The following TBC1D3B variants were observed in gnomAD, a reference collection of about 807,000 sequenced individuals.
TBC1D3B encodes Rab GTPase-activating protein PRC17 duplicate.
In TBC1D3B, 2 loss-of-function variants were observed where a neutral mutation model predicts 27.1. The observed-to-expected ratio is 0.07, with a 90% CI of 0.03 to 0.23. The LOEUF (loss-of-function observed/expected upper bound fraction) is 0.23, where lower values mean the gene tolerates loss of function less well. Among genes scored for constraint, TBC1D3B ranks in the 10% least tolerant of loss-of-function variants. The pLI is 1.00. For missense variants in TBC1D3B, 17 were observed against 401.3 expected (o/e 0.04, Z 8.18); for synonymous variants, 3 against 150.1 (o/e 0.02, Z 7.16).
intron 9 of TBC1D3B, among the ~76,000 whole-genome samples, chr17:36,169,437 C>A (rs1330053683): frequency 6.7e-6 from 1 of 149,628 alleles, no homozygotes; most frequent in Non-Finnish European, 1.5e-5. Flanking sequence ...ACAGGGTGGC[C>A]GGAACTGGGT....
At chr17:36,171,491 C>A (rs1460289495) in intron 7 of TBC1D3B, among the ~76,000 whole-genome samples, 3 of 151,408 alleles carry the variant, frequency 2.0e-5, no homozygotes, top group Admixed American at 6.6e-5. Flanking sequence ...ATTCTCCCAG[C>A]ATTTGGTGCT....
At chr17:36,167,338 C>T (rs1273965255) in intron 13 of TBC1D3B, among the ~76,000 whole-genome samples, 3 of 49,646 alleles carry the variant, frequency 6.0e-5, no homozygotes, top group Admixed American at 2.1e-4. Context: ...CCCCCTCCTG[C>T]GTGCACAGCA....
chr17:36,172,805 CCT>C (rs1366847766), intron 5 of TBC1D3B, 38 bp downstream of exon 5: 4 of 366,376 alleles, frequency 1.1e-5, no homozygotes, highest in African/African-American at 4.3e-5. Flanking sequence ...GTGCCTGTCC[CCT>C]GTCTCTGCAG....
chr17:36,175,682 A>G (rs1159835841), intron 1 of TBC1D3B, among the ~76,000 whole-genome samples: 12 of 102,592 alleles, frequency 1.2e-4, no homozygotes, highest in African/African-American at 3.3e-4. Context: ...GGAGTCCACC[A>G]TTCTGAGCCG....
chr17:36,168,618 A>G lies in TBC1D3B; in HGVS notation c.828+12T>C. On this transcript the variant is annotated intron_variant, in intron 11 of 13. Coordinates refer to ENST00000611257, the MANE Select transcript of TBC1D3B (RefSeq NM_001001417.7). ...AAGGTCCCTGAGCCAGGGTCTCCCT[A>G]TGCCTCCTTACCCCGTCAATCAATA... 1 of 422,548 alleles carries G rather than the reference A, an allele frequency of 2.4e-6. No homozygotes were observed. The highest frequency in any genetic ancestry group is 4.5e-6 in the Non-Finnish European group (1 of 221,120). The allele number at this position is 422,548 out of a possible 1,614,324, so 26.2% of individuals were successfully genotyped here.
At chr17:36,171,174 G>A (rs1352620283) in intron 7 of TBC1D3B, among the ~76,000 whole-genome samples, 24 of 148,994 alleles carry the variant, frequency 1.6e-4, no homozygotes, top group Middle Eastern at 3.4e-3. Flanking sequence ...GGGCATCACC[G>A]GCTCGTTCCC....
chr17:36,165,825 G>A lies in TBC1D3B; in HGVS notation c.*170C>T, dbSNP rs2068241778. 2 of 972,478 alleles carry A rather than the reference G, an allele frequency of 2.1e-6. No homozygotes were observed. Among genetic ancestry groups the A allele is most frequent in the Non-Finnish European group, 3.1e-6 (2 of 650,192 alleles). The allele number at this position is 972,478 out of a possible 1,614,324, so 60.2% of individuals were successfully genotyped here. On this transcript the variant is annotated 3_prime_UTR_variant, in exon 14 of 14. Transcript: ENST00000611257. ...GTGCTGGGAGGGGCTGGGCATGGTT[G>A]GCTTTGTGATCTGGGGTCTGGTGTG... is the stretch of plus-strand genomic sequence containing the variant.
At chr17:36,169,451 C>T (rs1361344066) in intron 9 of TBC1D3B, among the ~76,000 whole-genome samples, 10 of 149,636 alleles carry the variant, frequency 6.7e-5, no homozygotes, top group South Asian at 2.1e-4. Flanking sequence ...ACTGGGTGGG[C>T]GCTGGGCTTC....
chr17:36,171,281 G>T (rs1221083260), intron 7 of TBC1D3B, among the ~76,000 whole-genome samples: 1 of 150,976 alleles, frequency 6.6e-6, no homozygotes, highest in Admixed American at 6.6e-5. Flanking sequence ...TGTGAGTGAC[G>T]AGGAGTCAAG....
At chr17:36,175,539 C>CGGAG (rs1222617670) in intron 1 of TBC1D3B, among the ~76,000 whole-genome samples, 1 of 105,706 alleles carries the variant, frequency 9.5e-6, no homozygotes, top group Non-Finnish European at 2.5e-5. Context: ...ATCACTTTGG[C>CGGAG]TACCGTGGCT....
Position 36,165,745 on chromosome 17 carries a change from C to G in TBC1D3B, c.*250G>C, listed in dbSNP as rs2068239624. On this transcript the variant is annotated 3_prime_UTR_variant, in exon 14 of 14. Coordinates refer to ENST00000611257, the MANE Select transcript of TBC1D3B (RefSeq NM_001001417.7). ...GTTATCCTTCCATGAGTTTAAAGTACAAAGGCAGGCTCACGGTGTCGTCAG... is the reference window on the plus strand; with the variant it reads ...GTTATCCTTCCATGAGTTTAAAGTAGAAAGGCAGGCTCACGGTGTCGTCAG... The G allele has an allele frequency of 1.1e-6, 1 of 948,364 alleles. No individual in the cohort carries two copies. Among genetic ancestry groups the G allele is most frequent in the South Asian group, 1.6e-5 (1 of 63,344 alleles). The allele number at this position is 948,364 out of a possible 1,614,324, so 58.7% of individuals were successfully genotyped here.
intron 7 of TBC1D3B, among the ~76,000 whole-genome samples, 200 bp downstream of exon 7, chr17:36,171,655 G>C (rs2068358896): frequency 1.4e-5 from 2 of 141,448 alleles, no homozygotes; most frequent in Admixed American, 7.0e-5. Context: ...CCTGGGTTCT[G>C]GCCCCACATG....
At chr17:36,169,328 G>A (rs1342071117) in intron 9 of TBC1D3B, among the ~76,000 whole-genome samples, 154 bp from the exon 10 acceptor site, 1 of 150,052 alleles carries the variant, frequency 6.7e-6, no homozygotes, top group Non-Finnish European at 1.5e-5. Flanking sequence ...TTACCCTGGG[G>A]AGGTGGGGCG....
Position 36,169,237 on chromosome 17 carries a change from G to T in TBC1D3B, c.668-63C>A. 1.3e-5 allele frequency: 21 copies of T among 1,578,638 alleles called. 1 individual carries two copies. The highest frequency in any genetic ancestry group is 1.8e-5 in the Non-Finnish European group (21 of 1,149,966). On this transcript the variant is annotated intron_variant, in intron 9 of 13. Transcript: ENST00000611257. ...CCCCCAAGATGTGGAGCCATCAGCT[G>T]CAAGAGCTGGGCAGCTGGAGAGGCC...
intron 9 of TBC1D3B, 107 bp from the exon 10 acceptor site, chr17:36,169,281 T>C (rs2068310066): frequency 2.6e-6 from 4 of 1,550,784 alleles, no homozygotes; most frequent in Non-Finnish European, 3.6e-6. Flanking sequence ...CCAAGGCTAC[T>C]CCCACCCTCC....
intron 9 of TBC1D3B, among the ~76,000 whole-genome samples, chr17:36,169,392 G>C (rs1396114594): frequency 3.3e-5 from 5 of 149,268 alleles, no homozygotes; most frequent in South Asian, 4.2e-4. Context: ...CCTGGGCCAG[G>C]GTGCAAAAAG....
chr17:36,168,999 C>A lies in TBC1D3B; in HGVS notation c.762+81G>T. 5.9e-6 allele frequency: 9 copies of A among 1,521,622 alleles called. 2 individuals are homozygous for A. Among genetic ancestry groups the A allele is most frequent in the South Asian group, 1.1e-5 (1 of 90,116 alleles). 94.3% of individuals were successfully genotyped at this position (1,521,622 alleles called of 1,614,324 possible). ...GGGACTCAGCCAGTCACCAGCCCCA[C>A]GAGGGGCCCCAGCCCCCCTGCTCCT... is the stretch of plus-strand genomic sequence containing the variant. On this transcript the variant is annotated intron_variant, in intron 10 of 13. Coordinates refer to ENST00000611257, the MANE Select transcript of TBC1D3B (RefSeq NM_001001417.7).
intron 7 of TBC1D3B, among the ~76,000 whole-genome samples, chr17:36,171,518 G>T (rs2068355854): frequency 6.6e-6 from 1 of 151,256 alleles, no homozygotes; most frequent in Non-Finnish European, 1.5e-5. Flanking sequence ...GTTGCCTGGG[G>T]GGGCTCATGG....
At chr17:36,169,311 G>A in intron 9 of TBC1D3B, 137 bp from the exon 10 acceptor site, 19 of 1,421,606 alleles carry the variant, frequency 1.3e-5, no homozygotes, top group Non-Finnish European at 1.7e-5. Context: ...ACCCCAACAT[G>A]CGGCCTTTAC....
Sources: allele counts gnomAD v4.1 joint callset (sites outside exome capture counted in the v4.1 genomes callset), GRCh38; gene constraint gnomAD v4.1.1; transcripts MANE v1.5; gene names NCBI Gene and HGNC (gene_info 2026-07-23, HGNC 2026-07-21).